The following ANXA8 variants were observed in gnomAD, a reference collection of about 807,000 sequenced individuals.
ANXA8 encodes the protein annexin A8, also known as VAC-beta.
In ANXA8, 9 loss-of-function variants were observed where a neutral mutation model predicts 26.8. The observed-to-expected ratio is 0.34, with a 90% confidence interval of 0.20 to 0.59. The LOEUF is 0.59. Ranked by LOEUF, ANXA8 falls within the 20% of genes least tolerant of loss-of-function variation. ANXA8 has a pLI of 0.84. For missense variants in ANXA8, 83 were observed against 238.5 expected, an observed-to-expected ratio of 0.35 and a Z score of 4.29; for synonymous variants, 39 against 94.8, an observed-to-expected ratio of 0.41 and a Z score of 3.42.
At chr10:47,495,057 C>A in the ANXA8 span, among the ~76,000 whole-genome samples, 4 of 149,736 alleles carry the variant, frequency 2.7e-5, no homozygotes, top group Admixed American at 2.6e-4. Context: ...CGAATAACCA[C>A]CTCTCCTCTC....
chr10:47,691,012 T>G, the ANXA8 span: 2 of 1,611,086 alleles, frequency 1.2e-6, no homozygotes, highest in Non-Finnish European at 8.5e-7. Flanking sequence ...AAAACTGTGA[T>G]TCTAAAAGCC....
At chr10:47,737,704 G>GT in the ANXA8 span, among the ~76,000 whole-genome samples, 1 of 142,606 alleles carries the variant, frequency 7.0e-6, no homozygotes, top group Non-Finnish European at 1.5e-5. Context: ...TTCAGAGTGT[G>GT]TGACCATCAG....
At chr10:47,521,917 A>G in the ANXA8 span, among the ~76,000 whole-genome samples, 1 of 149,974 alleles carries the variant, frequency 6.7e-6, no homozygotes, top group Non-Finnish European at 1.5e-5. Flanking sequence ...AGTAGCTGGA[A>G]CTACAGTCAT....
chr10:47,944,349 T>G, the ANXA8 span, among the ~76,000 whole-genome samples: 26 of 149,078 alleles, frequency 1.7e-4, 2 homozygotes, highest in Non-Finnish European at 3.0e-5. Flanking sequence ...ATCTAGAGCA[T>G]CCTCCCCCCG....
the ANXA8 span, among the ~76,000 whole-genome samples, chr10:47,979,173 T>C: frequency 6.6e-6 from 1 of 151,118 alleles, no homozygotes; most frequent in Middle Eastern, 3.2e-3. Flanking sequence ...TCCAAATACA[T>C]GAAGCAAAAA....
the ANXA8 span, among the ~76,000 whole-genome samples, chr10:47,687,786 G>T: frequency 6.6e-6 from 1 of 151,746 alleles, no homozygotes; most frequent in Non-Finnish European, 1.5e-5. Context: ...CAATAGTAGT[G>T]ATTCTTAATC....
chr10:47,951,811 C>CAAAAAAAAAAAA, the ANXA8 span, among the ~76,000 whole-genome samples: 2 of 94,566 alleles, frequency 2.1e-5, no homozygotes, highest in Non-Finnish European at 3.7e-5. Context: ...ACTCTGTCTC[C>CAAAAAAAAAAAA]AAAAAAAAAA....
chr10:47,528,205 GATTA>G, the ANXA8 span, among the ~76,000 whole-genome samples: 7 of 139,618 alleles, frequency 5.0e-5, no homozygotes, highest in Non-Finnish European at 7.7e-5. Context: ...TCAGCCTCCT[GATTA>G]GCTGGGACTA....
At chr10:47,553,099 A>C in the ANXA8 span, among the ~76,000 whole-genome samples, 1 of 152,112 alleles carries the variant, frequency 6.6e-6, no homozygotes, top group Admixed American at 6.5e-5. Flanking sequence ...GTGTGATTTC[A>C]GAGGTTATAT....
chr10:47,720,594 C>T, the ANXA8 span, among the ~76,000 whole-genome samples: 11 of 143,362 alleles, frequency 7.7e-5, 1 homozygote, highest in Admixed American at 7.6e-4. Flanking sequence ...ACATTTTTCT[C>T]TTTACCTTAT....
chr10:47,950,307 C>T, the ANXA8 span, among the ~76,000 whole-genome samples: 23 of 152,178 alleles, frequency 1.5e-4, no homozygotes, highest in Admixed American at 4.6e-4. Context: ...TACAAATTGT[C>T]ATACTTGTTT....
At chr10:47,690,998 A>G in the ANXA8 span, 1 of 1,611,368 alleles carries the variant, frequency 6.2e-7, no homozygotes, top group East Asian at 2.2e-5. Context: ...AAAATCATTA[A>G]TAAAAAACTG....
chr10:47,735,164 A>G, the ANXA8 span, among the ~76,000 whole-genome samples: 1 of 150,278 alleles, frequency 6.7e-6, no homozygotes, highest in East Asian at 2.0e-4. Flanking sequence ...CAGTGGCACA[A>G]TTATGGCTCA....
At chr10:47,744,413 G>GGGGGGGGTTGGGGGGGGGAGGGGGGAA in the ANXA8 span, among the ~76,000 whole-genome samples, 2 of 3,978 alleles carry the variant, frequency 5.0e-4, 1 homozygote, top group Non-Finnish European at 9.5e-4. Context: ...GCTCCTGGTG[G>GGGGGGGGTTGGGGGGGGGAGGGGGGAA]GGGGGGGGTT....
chr10:47,970,597 T>A, the ANXA8 span: 2 of 151,514 alleles, frequency 1.3e-5, no homozygotes, highest in Non-Finnish European at 3.0e-5. Context: ...CTAGCTGACC[T>A]GACATTATTC....
At chr10:47,967,976 A>T in the ANXA8 span, among the ~76,000 whole-genome samples, 2 of 149,248 alleles carry the variant, frequency 1.3e-5, no homozygotes, top group Non-Finnish European at 3.0e-5. Context: ...TGGGTGCAAA[A>T]AAAAAACCTA....
At chr10:47,581,732 G>A in the ANXA8 span, among the ~76,000 whole-genome samples, 20 of 150,498 alleles carry the variant, frequency 1.3e-4, no homozygotes, top group Non-Finnish European at 1.9e-4. Context: ...CCAGTCTCCC[G>A]AGTAGCTGGA....
chr10:47,483,859 G>C lies in ANXA8; in HGVS notation c.21+54C>G, dbSNP rs1241921754. On this transcript the variant is annotated intron_variant, in intron 1 of 11. Coordinates refer to ENST00000585281, the MANE Select transcript of ANXA8 (RefSeq NM_001040084.3). ...TTTACATTTCTCAGGACTCCCTGGT[G>C]ACCAGCACCCAACACCATGCAGGAA... The C allele has an allele frequency of 4.1e-3, 6,649 of 1,611,308 alleles. 270 individuals carry two copies. The African/African-American group carries it at 0.078, about 19-fold the overall frequency.
chr10:47,656,068 G>A, the ANXA8 span, among the ~76,000 whole-genome samples: 2 of 151,436 alleles, frequency 1.3e-5, no homozygotes, highest in Non-Finnish European at 2.9e-5. Context: ...CAGATAAGAG[G>A]TAAGGAAAAT....
Sources: allele counts gnomAD v4.1 joint callset (sites outside exome capture counted in the v4.1 genomes callset), GRCh38; gene constraint gnomAD v4.1.1; transcripts MANE v1.5; gene names NCBI Gene and HGNC (gene_info 2026-07-23, HGNC 2026-07-21).